The following ZNF277 variants were observed in gnomAD, a reference collection of about 807,000 sequenced individuals.
The protein encoded by ZNF277 is zinc finger protein 277, also known as nuclear receptor-interacting factor 4.
Under a neutral mutation model 60.7 loss-of-function variants are expected in ZNF277, and 55 were observed. The ratio of observed to expected loss-of-function variants is 0.91; its 90% CI spans 0.73 to 1.13. The LOEUF (loss-of-function observed/expected upper bound fraction) is 1.13, where lower values mean the gene tolerates loss of function less well. Among genes scored for constraint, ZNF277 ranks in the 50% most tolerant of loss-of-function variants. ZNF277 has a pLI of 0.00. For synonymous variants in ZNF277, 178 were observed against 179.3 expected (o/e 0.99, Z 0.06); for missense variants, 510 against 523.0 (o/e 0.98, Z 0.24).
At chr7:112,243,769 G>A (rs12666261) in intron 1 of ZNF277, among the ~76,000 whole-genome samples, 18,283 of 151,902 alleles carry the variant, frequency 0.12, 1,242 homozygotes, top group East Asian at 0.16. Context: ...ATTAAAAATA[G>A]AACTCTCATT....
intron 1 of ZNF277, among the ~76,000 whole-genome samples, chr7:112,215,815 A>G (rs1389030792): frequency 3.3e-5 from 5 of 152,206 alleles, no homozygotes; most frequent in Non-Finnish European, 4.4e-5. Context: ...TTATCCAAAT[A>G]GAGAGGTTTG....
rs1299747069 is a variant in ZNF277, at chr7:112,277,117, T to A, written c.92-9756T>A. ...TTTTTTTTTTGAGACAGAGTCTCCC[T>A]CTGTCGCCCAGGCTGGAGTGCAGTG... On this transcript the variant is annotated intron_variant, in intron 1 of 11. Transcript: ENST00000361822. Among the ~76,000 whole-genome samples the A allele has an allele frequency of 1.5e-4, 20 of 133,476 alleles. 1 individual carries two copies. In the Admixed American group the frequency reaches 1.5e-3, roughly 10 times the overall value. The allele number at this position is 133,476 out of a possible 152,430, so 87.6% of individuals were successfully genotyped here.
chr7:112,293,258 G>A lies in ZNF277; in HGVS notation c.294-2611G>A, dbSNP rs2117071911. ...GCATAAGATCTGTGCAGATAAGCAAGGGACAATATTGATTGTCCATTTAAA... is the reference window on the plus strand; with the variant it reads ...GCATAAGATCTGTGCAGATAAGCAAAGGACAATATTGATTGTCCATTTAAA... On this transcript the variant is annotated intron_variant, in intron 2 of 11. Transcript: ENST00000361822. Among the ~76,000 whole-genome samples, 2 of 152,142 alleles carry A rather than the reference G, an allele frequency of 1.3e-5. 1 individual carries two copies. The highest frequency in any genetic ancestry group is 1.3e-4 in the Admixed American group (2 of 15,266).
intron 1 of ZNF277, among the ~76,000 whole-genome samples, chr7:112,239,108 G>A (rs903285237): frequency 6.6e-6 from 1 of 152,088 alleles, no homozygotes; most frequent in Non-Finnish European, 1.5e-5. Flanking sequence ...CATCAGGTGT[G>A]ACCCAGCACA....
intron 9 of ZNF277, among the ~76,000 whole-genome samples, chr7:112,339,284 A>G (rs772967720): frequency 7.9e-5 from 12 of 152,232 alleles, no homozygotes; most frequent in Non-Finnish European, 1.5e-4. Context: ...ATTGTAAATT[A>G]TAAAAACTAT....
chr7:112,268,897 T>G (rs923077815), intron 1 of ZNF277, among the ~76,000 whole-genome samples: 11 of 152,178 alleles, frequency 7.2e-5, no homozygotes, highest in African/African-American at 2.7e-4. Flanking sequence ...TGTTTTAATC[T>G]AGATTTTTGA....
At chr7:112,222,169 G>C (rs1254615665) in intron 1 of ZNF277, among the ~76,000 whole-genome samples, 2 of 152,170 alleles carry the variant, frequency 1.3e-5, no homozygotes, top group African/African-American at 4.8e-5. Flanking sequence ...GTCCTTCTCT[G>C]GCTTTGGTAT....
chr7:112,279,174 C>T (rs1791886596), intron 1 of ZNF277, among the ~76,000 whole-genome samples: 1 of 152,116 alleles, frequency 6.6e-6, no homozygotes, highest in African/African-American at 2.4e-5. Flanking sequence ...ACAAATATTT[C>T]TTTGAGATCT....
chr7:112,277,077 A>ATTTTTTTTTTTTT (rs59902516), intron 1 of ZNF277, among the ~76,000 whole-genome samples: 8 of 104,436 alleles, frequency 7.7e-5, no homozygotes, highest in African/African-American at 1.2e-4. Context: ...GAATCTGTTG[A>ATTTTTTTTTTTTT]TTTTTTTTTT....
chr7:112,220,077 T>G (rs945173620), intron 1 of ZNF277, among the ~76,000 whole-genome samples: 10 of 152,232 alleles, frequency 6.6e-5, no homozygotes, highest in Non-Finnish European at 1.5e-4. Context: ...GATTGTTTAT[T>G]CTGTTTCTGT....
At chr7:112,335,869 T>A (rs1172400019) in intron 7 of ZNF277, among the ~76,000 whole-genome samples, 1 of 152,176 alleles carries the variant, frequency 6.6e-6, no homozygotes, top group African/African-American at 2.4e-5. Flanking sequence ...TAAAAAATTA[T>A]CTCATTAAGG....
In ZNF277 at chr7:112,210,427, G is replaced by A. The variant is rs115050193; in HGVS notation, c.91+3620G>A. Reference sequence around the variant, plus strand: ...TTCTCCAAGAAAGTCCCCACATTGAGGTCAAGGATTTTTTTGCTTTTTTTG... The same window carrying A: ...TTCTCCAAGAAAGTCCCCACATTGAAGTCAAGGATTTTTTTGCTTTTTTTG... On this transcript the variant is annotated intron_variant, in intron 1 of 11. Transcript: ENST00000361822. Among the ~76,000 whole-genome samples, 868 of 151,560 alleles carry A rather than the reference G, an allele frequency of 5.7e-3. 7 individuals are homozygous for A. Among genetic ancestry groups the A allele is most frequent in the African/African-American group, 0.02 (822 of 41,338 alleles).
In ZNF277 at chr7:112,287,012, G is replaced by A. The variant is rs189555900; in HGVS notation, c.231G>A (p.Lys77=). 14 of 1,614,048 alleles carry A rather than the reference G, an allele frequency of 8.7e-6. No individual in the cohort carries two copies. Among genetic ancestry groups the A allele is most frequent in the African/African-American group, 2.7e-5 (2 of 74,972 alleles). The change falls in exon 2 of 12, where the codon AAG becomes AAA. Residue 77 remains lysine, a synonymous_variant. Transcript: ENST00000361822. ...TGGCTGAACAAGACAAACTTCTGAA[G>A]CACATGATTATTGAGCATAAGATTG... ...FPVAEQDKLL[K]HMIIEHKIVI...
At chr7:112,210,241 C>T (rs1300816640) in intron 1 of ZNF277, among the ~76,000 whole-genome samples, 1 of 152,034 alleles carries the variant, frequency 6.6e-6, no homozygotes, top group Non-Finnish European at 1.5e-5. Context: ...AAATGTTAGT[C>T]TGTGTGTTTA....
At chr7:112,327,608 C>A in intron 5 of ZNF277, 109 bp from the exon 6 acceptor site, 1 of 736,108 alleles carries the variant, frequency 1.4e-6, no homozygotes, top group African/African-American at 1.8e-5. Context: ...TAGTGCTTAG[C>A]ACTTGCTTAT....
At chr7:112,333,440 G>T (rs1793265325) in intron 7 of ZNF277, among the ~76,000 whole-genome samples, 1 of 152,196 alleles carries the variant, frequency 6.6e-6, no homozygotes, top group Non-Finnish European at 1.5e-5. Context: ...TGAACCCTTT[G>T]TAATGGTATA....
chr7:112,247,407 G>C (rs1181261774), intron 1 of ZNF277, among the ~76,000 whole-genome samples: 2 of 152,172 alleles, frequency 1.3e-5, no homozygotes, highest in East Asian at 3.9e-4. Context: ...AGATTGACAT[G>C]AGCAAATTGT....
At chr7:112,234,085 C>T (rs1822416951) in intron 1 of ZNF277, among the ~76,000 whole-genome samples, 1 of 151,760 alleles carries the variant, frequency 6.6e-6, no homozygotes. Context: ...TCTACTTTAC[C>T]ATGCTTTATT....
intron 1 of ZNF277, among the ~76,000 whole-genome samples, chr7:112,272,125 T>C (rs1017695076): frequency 1.8e-4 from 28 of 152,158 alleles, no homozygotes; most frequent in African/African-American, 6.5e-4. Context: ...CTATTTTCTA[T>C]CTCCATGAGC....
Sources: allele counts gnomAD v4.1 joint callset (sites outside exome capture counted in the v4.1 genomes callset), GRCh38; gene constraint gnomAD v4.1.1; transcripts MANE v1.5; gene names NCBI Gene and HGNC (gene_info 2026-07-23, HGNC 2026-07-21).